DCDC1: variants seen among roughly 807,000 people sequenced by gnomAD.
The protein encoded by DCDC1 is doublecortin domain-containing protein 1.
In DCDC1, 200 loss-of-function variants were observed where a neutral mutation model predicts 178.3. That is an observed-to-expected ratio of 1.12 (90% CI 1.00 to 1.26). The LOEUF (loss-of-function observed/expected upper bound fraction) is 1.26. DCDC1 is among the 50% of genes most tolerant of loss of function. DCDC1 has a pLI of 0.00. For synonymous variants in DCDC1, 690 were observed against 604.8 expected (o/e 1.14, Z -2.07); for missense variants, 1,983 against 1,749.2 (o/e 1.13, Z -2.38).
chr11:31,345,604 A>T (rs935137663), intron 1 of DCDC1, among the ~76,000 whole-genome samples: 3 of 152,170 alleles, frequency 2.0e-5, no homozygotes, highest in African/African-American at 7.2e-5. Flanking sequence ...AAAAAATAAA[A>T]GATGAAAACA....
chr11:31,333,684 T>G (rs529567885), intron 2 of DCDC1, among the ~76,000 whole-genome samples: 1 of 152,218 alleles, frequency 6.6e-6, no homozygotes, highest in Non-Finnish European at 1.5e-5. Context: ...AATTCTTTTC[T>G]TTAAGAATGA....
intron 10 of DCDC1, among the ~76,000 whole-genome samples, chr11:31,131,340 A>G (rs1962416392): frequency 6.6e-6 from 1 of 152,174 alleles, no homozygotes; most frequent in Admixed American, 6.5e-5. Context: ...ATAGGCTATA[A>G]AATCCAGTGA....
chr11:31,296,613 T>C (rs1947701650), intron 6 of DCDC1, among the ~76,000 whole-genome samples: 1 of 152,210 alleles, frequency 6.6e-6, no homozygotes, highest in African/African-American at 2.4e-5. Flanking sequence ...TAGTGCATTT[T>C]CACACCACTA....
chr11:31,145,683 T>A (rs562488668), intron 9 of DCDC1, among the ~76,000 whole-genome samples: 1 of 152,202 alleles, frequency 6.6e-6, no homozygotes, highest in East Asian at 1.9e-4. Context: ...AGTGGCAGCA[T>A]GAGCAGAAAG....
At chr11:30,953,009 A>C (rs1948524167) in intron 20 of DCDC1, among the ~76,000 whole-genome samples, 1 of 151,900 alleles carries the variant, frequency 6.6e-6, no homozygotes, top group South Asian at 2.1e-4. Flanking sequence ...ATAGAAACAA[A>C]ATATCTGAAT....
At chr11:31,112,386 T>C (rs117096792) in intron 11 of DCDC1, among the ~76,000 whole-genome samples, 123 of 152,332 alleles carry the variant, frequency 8.1e-4, no homozygotes, top group Middle Eastern at 3.4e-3. Context: ...GTTTCTATGA[T>C]TGACTTAGAT....
intron 1 of DCDC1, among the ~76,000 whole-genome samples, chr11:31,336,163 A>G (rs1950263570): frequency 6.6e-6 from 1 of 152,204 alleles, no homozygotes; most frequent in Non-Finnish European, 1.5e-5. Flanking sequence ...GATGAGGAAA[A>G]GGTAAATTGG....
In DCDC1 at chr11:30,922,654, T is replaced by C; in HGVS notation, c.2998-16A>G. On this transcript the variant is annotated splice_polypyrimidine_tract_variant and intron_variant, in intron 23 of 38. Transcript: ENST00000684477. ...AAACATACACCTATCAAACAAAGCATCTCTTATCCTGTATATAATTGTCAC... is the reference window on the plus strand; with the variant it reads ...AAACATACACCTATCAAACAAAGCACCTCTTATCCTGTATATAATTGTCAC... 6.6e-7 allele frequency: 1 copy of C among 1,507,750 alleles called. No homozygotes were observed. Among genetic ancestry groups the C allele is most frequent in the Non-Finnish European group, 8.8e-7 (1 of 1,136,378 alleles). The allele number at this position is 1,507,750 out of a possible 1,614,324, so 93.4% of individuals were successfully genotyped here. A position where few individuals can be genotyped will look rare whatever the true frequency, so the allele number is the denominator to read the frequency against.
intron 12 of DCDC1, among the ~76,000 whole-genome samples, chr11:31,110,022 A>C (rs1161063209): frequency 6.6e-6 from 1 of 152,198 alleles, no homozygotes; most frequent in Non-Finnish European, 1.5e-5. Flanking sequence ...AAGCATAGAC[A>C]GATTCCAAAT....
At chr11:31,112,437 C>A (rs1354560978) in intron 11 of DCDC1, among the ~76,000 whole-genome samples, 1 of 152,078 alleles carries the variant, frequency 6.6e-6, no homozygotes, top group Non-Finnish European at 1.5e-5. Flanking sequence ...TTTCTTCCTG[C>A]CCAATTCTTG....
chr11:30,991,384 T>C (rs945297687), intron 20 of DCDC1, among the ~76,000 whole-genome samples: 1 of 152,184 alleles, frequency 6.6e-6, no homozygotes, highest in Non-Finnish European at 1.5e-5. Flanking sequence ...CCAGGCTTAG[T>C]TGGGTATTCC....
chr11:30,963,332 T>A (rs1949229464), intron 20 of DCDC1, among the ~76,000 whole-genome samples: 1 of 152,134 alleles, frequency 6.6e-6, no homozygotes. Context: ...CTGGCCTCAG[T>A]TATGTCAACT....
intron 9 of DCDC1, among the ~76,000 whole-genome samples, chr11:31,147,439 T>A (rs1964565174): frequency 6.6e-6 from 1 of 152,200 alleles, no homozygotes; most frequent in Non-Finnish European, 1.5e-5. Flanking sequence ...TCAGCAACAA[T>A]ATTATTGTGA....
chr11:31,196,918 A>G (rs1214079591), intron 9 of DCDC1, among the ~76,000 whole-genome samples: 1 of 152,078 alleles, frequency 6.6e-6, no homozygotes, highest in Non-Finnish European at 1.5e-5. Flanking sequence ...TCATTAGCAT[A>G]CAAAAAATAC....
chr11:30,939,853 C>T (rs1947516736), intron 21 of DCDC1, among the ~76,000 whole-genome samples: 1 of 151,964 alleles, frequency 6.6e-6, no homozygotes, highest in African/African-American at 2.4e-5. Context: ...TATTTGTTTC[C>T]TATGTTTAGT....
At chr11:31,315,293 C>T (rs1159234916) in intron 3 of DCDC1, among the ~76,000 whole-genome samples, 1 of 140,016 alleles carries the variant, frequency 7.1e-6, no homozygotes, top group Non-Finnish European at 1.5e-5. Flanking sequence ...TCCATAGTTC[C>T]TATTTGCATA....
chr11:31,331,754 T>C (rs1252700425), intron 2 of DCDC1, among the ~76,000 whole-genome samples: 2 of 152,310 alleles, frequency 1.3e-5, no homozygotes, highest in Admixed American at 6.5e-5. Context: ...GATAAGCTTT[T>C]TGATGTGCTG....
chr11:30,964,962 C>A (rs919128234), intron 20 of DCDC1, among the ~76,000 whole-genome samples: 47 of 152,226 alleles, frequency 3.1e-4, no homozygotes, highest in African/African-American at 1.1e-3. Context: ...GGCTTCAGAG[C>A]AGTAATCTCT....
chr11:31,077,806 A>G, intron 18 of DCDC1, 59 bp downstream of exon 18: 1 of 749,804 alleles, frequency 1.3e-6, no homozygotes. Flanking sequence ...AGTACCCTTT[A>G]TAAGAATCTG....
Sources: allele counts gnomAD v4.1 joint callset (sites outside exome capture counted in the v4.1 genomes callset), GRCh38; gene constraint gnomAD v4.1.1; transcripts MANE v1.5; gene names NCBI Gene and HGNC (gene_info 2026-07-23, HGNC 2026-07-21).